The following GPR89B variants were observed in gnomAD, a reference collection of about 807,000 sequenced individuals.
The protein encoded by GPR89B is G protein-coupled receptor 89B.
GPR89B carries 25 observed loss-of-function variants against 52.4 expected under a neutral mutation model. The ratio of observed to expected loss-of-function variants is 0.48; its 90% CI spans 0.35 to 0.67. GPR89B has a LOEUF of 0.67. Among genes scored for constraint, GPR89B ranks in the 30% least tolerant of loss-of-function variants. GPR89B has a pLI of 0.01. For missense variants in GPR89B, 146 were observed against 450.2 expected (o/e 0.32, Z 6.11); for synonymous variants, 52 against 151.2 (o/e 0.34, Z 4.81).
At chr1:147,938,846 G>A in intron 3 of GPR89B, 29 bp downstream of exon 3, 1 of 1,446,706 alleles carries the variant, frequency 6.9e-7, no homozygotes, top group Non-Finnish European at 9.4e-7. Flanking sequence ...AACTCCTCTT[G>A]AAGAGTTCTG....
the GPR89B span, among the ~76,000 whole-genome samples, chr1:148,015,298 T>C: frequency 4.1e-3 from 333 of 81,942 alleles, 1 homozygote; most frequent in South Asian, 0.016. Flanking sequence ...CTAGGATCTC[T>C]CTCTCTCTCT....
chr1:147,977,995 T>C (rs1211149471), intron 10 of GPR89B, among the ~76,000 whole-genome samples: 1 of 151,720 alleles, frequency 6.6e-6, no homozygotes, highest in Non-Finnish European at 1.5e-5. Context: ...TGTCAGTGCA[T>C]CCATCTCAGC....
At chr1:147,944,782 A>G (rs1553249518) in intron 5 of GPR89B, among the ~76,000 whole-genome samples, 1 of 139,330 alleles carries the variant, frequency 7.2e-6, no homozygotes, top group Non-Finnish European at 1.6e-5. Context: ...TTCCAGAACT[A>G]TTTCAGAAGT....
chr1:147,958,390 C>G (rs2149064874), intron 7 of GPR89B, among the ~76,000 whole-genome samples: 1 of 151,128 alleles, frequency 6.6e-6, no homozygotes, highest in Non-Finnish European at 1.5e-5. Flanking sequence ...TGACCGGGTA[C>G]TCATGCCTGT....
intron 1 of GPR89B, among the ~76,000 whole-genome samples, chr1:147,931,598 C>A (rs1478029725): frequency 7.2e-6 from 1 of 139,354 alleles, no homozygotes; most frequent in African/African-American, 2.7e-5. Flanking sequence ...TTTTTTTTTT[C>A]AACTTTTATT....
intron 7 of GPR89B, among the ~76,000 whole-genome samples, chr1:147,957,513 C>T (rs1656205230): frequency 6.6e-6 from 1 of 151,866 alleles, no homozygotes; most frequent in Non-Finnish European, 1.5e-5. Context: ...GATTCATTCA[C>T]TTAATAATTT....
chr1:147,984,562 T>A (rs1249860984), intron 10 of GPR89B, among the ~76,000 whole-genome samples: 4 of 150,956 alleles, frequency 2.6e-5, no homozygotes, highest in African/African-American at 9.8e-5. Flanking sequence ...TTATTTCCTT[T>A]CTTCTGCTTA....
chr1:147,933,950 G>C (rs1653865203), intron 1 of GPR89B, among the ~76,000 whole-genome samples: 2 of 151,886 alleles, frequency 1.3e-5, no homozygotes, highest in Non-Finnish European at 2.9e-5. Flanking sequence ...AAGCTCCTTA[G>C]GGTGGCCTTC....
At chr1:147,965,633 T>C (rs1380683682) in intron 7 of GPR89B, among the ~76,000 whole-genome samples, 1 of 152,066 alleles carries the variant, frequency 6.6e-6, no homozygotes, top group Non-Finnish European at 1.5e-5. Flanking sequence ...GTGGTAGGTT[T>C]CCTGTTGACT....
chr1:148,005,646 C>G, the GPR89B span: 1 of 996,718 alleles, frequency 1.0e-6, no homozygotes, highest in African/African-American at 1.6e-5. Flanking sequence ...TGTCCCTAGT[C>G]TAAGAACATG....
chr1:147,991,373 A>G (rs1472347330), intron 12 of GPR89B, among the ~76,000 whole-genome samples: 1 of 152,144 alleles, frequency 6.6e-6, no homozygotes, highest in Non-Finnish European at 1.5e-5. Context: ...TTTTCTATAT[A>G]TACAGTCATG....
intron 7 of GPR89B, among the ~76,000 whole-genome samples, chr1:147,962,554 G>A (rs1182626116): frequency 3.3e-4 from 50 of 151,890 alleles, no homozygotes; most frequent in African/African-American, 1.1e-3. Flanking sequence ...GCAATTAGGC[G>A]TCCATAGGTT....
intron 10 of GPR89B, among the ~76,000 whole-genome samples, chr1:147,985,377 G>C (rs1658589997): frequency 6.6e-6 from 1 of 151,694 alleles, no homozygotes; most frequent in Non-Finnish European, 1.5e-5. Context: ...TTTTCATAAG[G>C]AATATATAGT....
intron 7 of GPR89B, among the ~76,000 whole-genome samples, chr1:147,958,970 A>G (rs1448225859): frequency 5.9e-5 from 9 of 152,208 alleles, no homozygotes; most frequent in Non-Finnish European, 7.3e-5. Context: ...TTACCACAAT[A>G]TAGAAAAACT....
the GPR89B span, among the ~76,000 whole-genome samples, chr1:148,023,828 T>C: frequency 7.3e-5 from 11 of 151,614 alleles, no homozygotes; most frequent in Admixed American, 6.6e-4. Flanking sequence ...TAATAGGTTT[T>C]GGACATTAGA....
In GPR89B at chr1:147,934,747, ATTATG is replaced by A. The variant is rs201894256; in HGVS notation, c.43-1875_43-1871del. ...TGTATTTCTATCATTGCACATCCATATTATGTTATAATTATTTATGTACTGTCTTC... is the reference window on the plus strand; with the variant it reads ...TGTATTTCTATCATTGCACATCCATATTATAATTATTTATGTACTGTCTTC... On this transcript the variant is annotated intron_variant, in intron 1 of 13. Transcript: ENST00000314163. Among the ~76,000 whole-genome samples, 816 of 152,070 alleles carry A rather than the reference ATTATG, an allele frequency of 5.4e-3. 7 individuals carry two copies. Among genetic ancestry groups the A allele is most frequent in the African/African-American group, 0.019 (772 of 41,454 alleles).
chr1:147,949,663 G>A (rs1318176123), intron 5 of GPR89B, among the ~76,000 whole-genome samples: 7 of 137,036 alleles, frequency 5.1e-5, no homozygotes, highest in Admixed American at 3.4e-4. Context: ...CGGCTGGCCG[G>A]GCGGGGGGCT....
chr1:147,949,706 TG>T (rs1655398816), intron 5 of GPR89B, among the ~76,000 whole-genome samples: 1 of 135,938 alleles, frequency 7.4e-6, no homozygotes, highest in Non-Finnish European at 1.6e-5. Flanking sequence ...ACGGGGCAGC[TG>T]GCCGGGCAGA....
chr1:147,999,597 CAAAAAAA>C, the GPR89B span, among the ~76,000 whole-genome samples: 19 of 107,520 alleles, frequency 1.8e-4, 1 homozygote, highest in African/African-American at 6.8e-4. Context: ...GACAACGTCT[CAAAAAAA>C]AAAAAAAAAG....
Sources: allele counts gnomAD v4.1 joint callset (sites outside exome capture counted in the v4.1 genomes callset), GRCh38; gene constraint gnomAD v4.1.1; transcripts MANE v1.5; gene names NCBI Gene and HGNC (gene_info 2026-07-23, HGNC 2026-07-21).